Variants in HS6ST2 observed in about 807,000 individuals in gnomAD.
HS6ST2 encodes the protein heparan sulfate 6-O-sulfotransferase 2.
A neutral mutation model predicts 33.0 loss-of-function variants in HS6ST2; 17 were observed. That is an observed-to-expected ratio of 0.52 (90% CI 0.35 to 0.77). The LOEUF (loss-of-function observed/expected upper bound fraction) is 0.77. Among genes scored for constraint, HS6ST2 ranks in the 30% least tolerant of loss-of-function variants. The pLI is 0.01. For synonymous variants in HS6ST2, 248 were observed against 237.1 expected (o/e 1.05, Z -0.42); for missense variants, 519 against 551.7 (o/e 0.94, Z 0.59).
intron 2 of HS6ST2, among the ~76,000 whole-genome samples, chrX:132,955,348 A>G (rs2067057357): frequency 8.9e-6 from 1 of 112,446 alleles, no homozygotes; most frequent in African/African-American, 3.2e-5. Flanking sequence ...TTCTGACACA[A>G]TTCCAGCATT....
At chrX:132,751,076 C>A (rs1347955436) in intron 2 of HS6ST2, among the ~76,000 whole-genome samples, 1 of 112,032 alleles carries the variant, frequency 8.9e-6, no homozygotes, top group African/African-American at 3.2e-5. Flanking sequence ...GGAGATTTCA[C>A]AGGCCAAGAA....
chrX:132,637,824 A>AATATTATATATAATATATTATAT (rs2063562451), intron 4 of HS6ST2, among the ~76,000 whole-genome samples: 1 of 58,142 alleles, frequency 1.7e-5, no homozygotes, highest in East Asian at 4.9e-4. Flanking sequence ...TTATATATAT[A>AATATTATATATAATATATTATAT]ATATTATATA....
At chrX:132,941,960 T>A (rs889933196) in intron 2 of HS6ST2, among the ~76,000 whole-genome samples, 15 of 112,236 alleles carry the variant, frequency 1.3e-4, no homozygotes, top group Middle Eastern at 4.6e-3. Flanking sequence ...TTAGTATGAT[T>A]ATCTTTCATA....
At chrX:132,689,360 C>T (rs1008516354) in intron 3 of HS6ST2, among the ~76,000 whole-genome samples, 3 of 111,739 alleles carry the variant, frequency 2.7e-5, no homozygotes, top group Admixed American at 9.5e-5. Flanking sequence ...TTAGAATCTA[C>T]AGCATTTTTT....
chrX:132,887,272 A>T (rs1192058021), intron 2 of HS6ST2, among the ~76,000 whole-genome samples: 2 of 112,423 alleles, frequency 1.8e-5, no homozygotes, highest in Admixed American at 9.4e-5. Context: ...GGCAGAACTG[A>T]TAAAGGACTT....
chrX:132,706,811 G>A (rs2064192327), intron 3 of HS6ST2, among the ~76,000 whole-genome samples: 1 of 112,189 alleles, frequency 8.9e-6, no homozygotes, highest in Admixed American at 9.5e-5. Flanking sequence ...TTTACTAGTG[G>A]TTGAAAAATA....
At chrX:132,922,039 G>C (rs2073091283) in intron 2 of HS6ST2, among the ~76,000 whole-genome samples, 2 of 112,242 alleles carry the variant, frequency 1.8e-5, no homozygotes, top group African/African-American at 6.5e-5. Flanking sequence ...TCTCTGAAAG[G>C]AGTAAAGCCA....
At chrX:132,634,451 T>C (rs772195857) in intron 4 of HS6ST2, among the ~76,000 whole-genome samples, 1 of 112,062 alleles carries the variant, frequency 8.9e-6, no homozygotes, top group East Asian at 2.8e-4. Flanking sequence ...CATTTTTAAA[T>C]TGGAGCCATG....
At chrX:132,722,014 C>T (rs961247097) in intron 2 of HS6ST2, among the ~76,000 whole-genome samples, 1 of 108,555 alleles carries the variant, frequency 9.2e-6, no homozygotes, top group African/African-American at 3.3e-5. Context: ...CGGTGAAACC[C>T]CGTTTCTACT....
At chrX:132,953,177 T>C (rs1175860693) in intron 2 of HS6ST2, among the ~76,000 whole-genome samples, 1 of 111,818 alleles carries the variant, frequency 8.9e-6, no homozygotes, top group Non-Finnish European at 1.9e-5. Context: ...TTTGGGACTT[T>C]TAACAGCTTG....
At chrX:132,652,152 C>G in intron 4 of HS6ST2, among the ~76,000 whole-genome samples, 1 of 111,674 alleles carries the variant, frequency 9.0e-6, no homozygotes, top group Middle Eastern at 4.6e-3. Context: ...AGCCAGGCTT[C>G]CAGTAGTTTC....
At chrX:132,905,595 G>A (rs751414267) in intron 2 of HS6ST2, among the ~76,000 whole-genome samples, 4 of 111,318 alleles carry the variant, frequency 3.6e-5, no homozygotes, top group Non-Finnish European at 5.6e-5. Context: ...CTACTACAAC[G>A]CTAACACAAA....
At chrX:132,670,951 G>A (rs765850615) in intron 3 of HS6ST2, among the ~76,000 whole-genome samples, 14 of 112,367 alleles carry the variant, frequency 1.2e-4, no homozygotes, top group Non-Finnish European at 2.6e-4. Context: ...TCCCAGAGGA[G>A]GGGGCAGAAA....
intron 2 of HS6ST2, among the ~76,000 whole-genome samples, chrX:132,769,394 C>G (rs1488204559): frequency 8.9e-6 from 1 of 111,940 alleles, no homozygotes; most frequent in Non-Finnish European, 1.9e-5. Flanking sequence ...TGGAGGCACC[C>G]AATGCATGGG....
intron 3 of HS6ST2, among the ~76,000 whole-genome samples, chrX:132,683,466 AAAGTC>A (rs1283534483): frequency 8.9e-6 from 1 of 112,122 alleles, no homozygotes; most frequent in Admixed American, 9.5e-5. Flanking sequence ...TCACAAACTG[AAAGTC>A]AAGTAAGACA....
chrX:132,628,440 C>A lies in HS6ST2; in HGVS notation c.1721G>T (p.Gly574Val), dbSNP rs2063494051. 1 of 1,210,076 alleles carries A rather than the reference C, an allele frequency of 8.3e-7. No homozygotes were observed. The highest frequency in any genetic ancestry group is 1.7e-5 in the African/African-American group (1 of 57,627). ...ATTCGGATTCTGGCTCTGGCCCTGA[C>A]CCTGGCTCTGGAAATGGGTCTGAAG... ...RLLQTHFQSQ[G>V]QGQSQNPNQN... The change falls in exon 5 of 5, where the codon GGT becomes GTT. Residue 574 changes from glycine to valine, a missense_variant. By Grantham distance (109) the Gly-to-Val change is moderately radical. Coordinates refer to ENST00000370833, the MANE Select transcript of HS6ST2 (RefSeq NM_001394073.1).
In HS6ST2 at chrX:132,664,397, C is replaced by T. The variant is rs898158788; in HGVS notation, c.1067+4716G>A. 2.7e-5 allele frequency among the ~76,000 whole-genome samples: 3 copies of T among 112,037 alleles called. No homozygotes were observed. The East Asian group carries it at 8.4e-4, about 31-fold the overall frequency. On this transcript the variant is annotated intron_variant, in intron 4 of 4. Coordinates refer to ENST00000370833, the MANE Select transcript of HS6ST2 (RefSeq NM_001394073.1). ...GGTGCTGGTATGTTTATTTATGAAG[C>T]TATGTGCTCTTGACTACTCTTATCT...
chrX:132,891,423 T>C (rs1242988876), intron 2 of HS6ST2, among the ~76,000 whole-genome samples: 1 of 108,159 alleles, frequency 9.2e-6, no homozygotes, highest in Non-Finnish European at 1.9e-5. Flanking sequence ...TTAGGGTACA[T>C]GTGCACAATG....
chrX:132,772,904 A>C (rs1173641063), intron 2 of HS6ST2, among the ~76,000 whole-genome samples: 1 of 89,782 alleles, frequency 1.1e-5, no homozygotes, highest in Non-Finnish European at 2.0e-5. Context: ...TGTAATATAA[A>C]ATATAATATA....
Sources: gnomAD v4.1 joint callset for allele counts (sites outside exome capture counted in the v4.1 genomes callset) on GRCh38, gnomAD v4.1.1 for gene constraint, MANE v1.5 for transcripts, NCBI Gene and HGNC (gene_info 2026-07-23, HGNC 2026-07-21) for gene names.